The following MMEL1 variants were observed in gnomAD, a reference collection of about 807,000 sequenced individuals.
The protein encoded by MMEL1 is membrane metalloendopeptidase like 1.
Under a neutral mutation model 117.1 loss-of-function variants are expected in MMEL1, and 98 were observed. The ratio of observed to expected loss-of-function variants is 0.84; its 90% confidence interval spans 0.71 to 0.99. The LOEUF (loss-of-function observed/expected upper bound fraction) is 0.99. Ranked by LOEUF, MMEL1 falls within the 50% of genes least tolerant of loss-of-function variation. MMEL1 has a pLI of 0.00. For synonymous variants in MMEL1, 390 were observed against 415.1 expected, an observed-to-expected ratio of 0.94 and a Z score of 0.74; for missense variants, 1,014 against 1,049.1, an observed-to-expected ratio of 0.97 and a Z score of 0.46.
intron 3 of MMEL1, among the ~76,000 whole-genome samples, chr1:2,611,908 G>A (rs955758498): frequency 6.6e-6 from 1 of 152,172 alleles, no homozygotes; most frequent in African/African-American, 2.4e-5. Context: ...CTGAGGCCAC[G>A]CAGGAGCAGG....
rs1645143757 is a variant in MMEL1 at position 2,612,316 on chromosome 1, C to T, written c.155-112G>A. On this transcript the variant is annotated intron_variant, in intron 2 of 23. Coordinates refer to ENST00000378412, the MANE Select transcript of MMEL1 (RefSeq NM_033467.4). This position sits in a 1 kb window ranked among gnomAD's most constrained non-coding sequence, Gnocchi z 5.4. ...TTCCCACAGTGCTGGGTGCTGCAGC[C>T]CTACCCCTGTAGTGAGGGCTGGTCC... The T allele has an allele frequency of 1.2e-6, 1 of 865,498 alleles. No individual in the cohort carries two copies. The highest frequency in any genetic ancestry group is 2.2e-5 in the Admixed American group (1 of 45,544). The allele number at this position is 865,498 out of a possible 1,614,324, so 53.6% of individuals were successfully genotyped here. A position where few individuals can be genotyped will look rare whatever the true frequency, so the allele number is the denominator to read the frequency against.
intron 2 of MMEL1, among the ~76,000 whole-genome samples, chr1:2,628,574 G>C (rs1570719631): frequency 6.6e-6 from 1 of 152,202 alleles, no homozygotes; most frequent in African/African-American, 2.4e-5. Flanking sequence ...GAGGGACCAG[G>C]GCTGTGCCTG....
rs142882316 is a variant in MMEL1 at position 2,602,899 on chromosome 1, C to T, written c.1041+985G>A. ...CTGCCCCCTTTCTGGCTTTCTGACA[C>T]GTTTTAGAGGTCACTCCGCTTTTCT... On this transcript the variant is annotated intron_variant, in intron 11 of 23. Transcript: ENST00000378412. 1.5e-4 allele frequency among the ~76,000 whole-genome samples: 22 copies of T among 151,650 alleles called. No individual in the cohort carries two copies. The South Asian group carries it at 2.5e-3, about 17-fold the overall frequency.
chr1:2,590,994 C>G lies in MMEL1; in HGVS notation c.2336G>C (p.Trp779Ser), dbSNP rs1022875010. ...PMHPKERCRV[W>S] is the part of the protein sequence containing the mutation. ...CACAGCGCGGCAGGGCCTTGGCTACCACACGCGGCATCGCTCCTTGGGGTG... is the reference window on the plus strand; with the variant it reads ...CACAGCGCGGCAGGGCCTTGGCTACGACACGCGGCATCGCTCCTTGGGGTG... Residue 779 changes from tryptophan (W) to serine (S), a missense_variant, in exon 24 of 24, where the codon TGG becomes TCG. Trp to Ser is a radical substitution (Grantham distance 177). Coordinates refer to ENST00000378412, the MANE Select transcript of MMEL1 (RefSeq NM_033467.4). 1 of 1,586,638 alleles carries G rather than the reference C, an allele frequency of 6.3e-7. No individual in the cohort carries two copies. The highest frequency in any genetic ancestry group is 1.4e-5 in the African/African-American group (1 of 74,054).
At position 2,606,965 on chromosome 1, in the gene MMEL1, C is replaced by T. The variant is rs372089498; in HGVS notation, c.631+9G>A. On this transcript the variant is annotated intron_variant, in intron 7 of 23. Coordinates refer to ENST00000378412, the MANE Select transcript of MMEL1 (RefSeq NM_033467.4). Reference sequence around the variant, plus strand: ...CTGTCTGTGAGGCTGCTGCCAGGCCCGGCCTTACCTACGGTCTCGTTCCAC... The same window carrying T: ...CTGTCTGTGAGGCTGCTGCCAGGCCTGGCCTTACCTACGGTCTCGTTCCAC... 2.5e-5 allele frequency: 40 copies of T among 1,610,554 alleles called. No individual in the cohort carries two copies. Among genetic ancestry groups the T allele is most frequent in the African/African-American group, 1.9e-4 (14 of 74,902 alleles).
intron 11 of MMEL1, among the ~76,000 whole-genome samples, chr1:2,600,538 A>G (rs200326113): frequency 7.3e-5 from 2 of 27,282 alleles, no homozygotes; most frequent in African/African-American, 1.6e-4. Flanking sequence ...GTTTCTGGGA[A>G]AAAAAAAAAA....
intron 8 of MMEL1, 125 bp from the exon 9 acceptor site, chr1:2,605,748 G>T (rs908418706): frequency 1.0e-5 from 7 of 692,100 alleles, no homozygotes; most frequent in Non-Finnish European, 1.5e-5. Context: ...CCAGGAGCTG[G>T]TGGTGGAGCT....
intron 2 of MMEL1, among the ~76,000 whole-genome samples, chr1:2,618,622 GA>G (rs34855393): frequency 6.6e-6 from 1 of 152,194 alleles, no homozygotes; most frequent in African/African-American, 2.4e-5. Context: ...CGAGTTTACA[GA>G]AATGTGTGGC....
At chr1:2,604,066 C>A (rs932061062) in intron 10 of MMEL1, 81 bp downstream of exon 10, 281 of 1,574,466 alleles carry the variant, frequency 1.8e-4, no homozygotes, top group Middle Eastern at 7.2e-4. Context: ...CCACCCAGCA[C>A]CCCCTCACCT....
intron 23 of MMEL1, 115 bp downstream of exon 23, chr1:2,591,442 C>T: frequency 1.2e-6 from 1 of 863,212 alleles, no homozygotes; most frequent in Non-Finnish European, 1.9e-6. Context: ...GGTTTATTCC[C>T]AAAATAAACC....
Position 2,593,948 on chromosome 1 carries a change from G to A in MMEL1, c.1748-15C>T, listed in dbSNP as rs767386342. ...GGCAGGGAATACTGTCCCCAAGGGCGGGACAAAGAATAAGCTGTGAGTGGA... is the reference window on the plus strand; with the variant it reads ...GGCAGGGAATACTGTCCCCAAGGGCAGGACAAAGAATAAGCTGTGAGTGGA... On this transcript the variant is annotated splice_polypyrimidine_tract_variant and intron_variant, in intron 18 of 23. Coordinates refer to ENST00000378412, the MANE Select transcript of MMEL1 (RefSeq NM_033467.4). The A allele has an allele frequency of 6.3e-6, 10 of 1,587,048 alleles. No homozygotes were observed. Among genetic ancestry groups the A allele is most frequent in the Admixed American group, 5.4e-5 (3 of 56,026 alleles).
chr1:2,604,398 C>T, intron 9 of MMEL1, 117 bp from the exon 10 acceptor site: 1 of 1,381,554 alleles, frequency 7.2e-7, no homozygotes, highest in Non-Finnish European at 9.9e-7. Flanking sequence ...GCGTGTCCAC[C>T]CACCTTGACC....
At position 2,591,640 on chromosome 1, in the gene MMEL1, G is replaced by A; in HGVS notation, c.2164-7C>T. The A allele has an allele frequency of 6.2e-7, 1 of 1,610,440 alleles. No homozygotes were observed. The highest frequency in any genetic ancestry group is 8.5e-7 in the Non-Finnish European group (1 of 1,178,250). The stretch of plus-strand genomic sequence containing the variant: ...GGTAGGACCCGCACCACACCTGTGG[G>A]CATGTTGGGGGCGTGGCTACAGGTG... On this transcript the variant is annotated splice_polypyrimidine_tract_variant and splice_region_variant and intron_variant, in intron 22 of 23. Transcript: ENST00000378412.
chr1:2,605,465 G>C, intron 9 of MMEL1, 93 bp downstream of exon 9: 1 of 1,115,266 alleles, frequency 9.0e-7, no homozygotes. Flanking sequence ...ACCAGCTTCG[G>C]GGAGGGAAGG....
intron 1 of MMEL1, chr1:2,629,853 T>G (rs1369227020): frequency 3.1e-5 from 6 of 195,228 alleles, no homozygotes; most frequent in Non-Finnish European, 5.2e-5. Flanking sequence ...CTGGTTGTCT[T>G]GGAGCTGTGG....
In MMEL1 at chr1:2,595,246, G is replaced by C. The variant is rs751941782; in HGVS notation, c.1584+30C>G. The C allele has an allele frequency of 1.3e-6, 2 of 1,592,576 alleles. No individual in the cohort carries two copies. Among genetic ancestry groups the C allele is most frequent in the Non-Finnish European group, 1.7e-6 (2 of 1,161,974 alleles). The stretch of plus-strand genomic sequence containing the variant: ...CAGGGCCCATGTCCACGGTGTGGGG[G>C]GCAGTTTAGGGCTGGGGTTGGGGGC... On this transcript the variant is annotated intron_variant, in intron 16 of 23. Coordinates refer to ENST00000378412, the MANE Select transcript of MMEL1 (RefSeq NM_033467.4). This position sits in a 1 kb window ranked among gnomAD's most constrained non-coding sequence, Gnocchi z 4.8.
intron 13 of MMEL1, among the ~76,000 whole-genome samples, chr1:2,597,603 T>C (rs1644863456): frequency 6.6e-6 from 1 of 151,878 alleles, no homozygotes; most frequent in African/African-American, 2.4e-5. Flanking sequence ...CCTACTCAAC[T>C]CACTCTCCCC....
intron 9 of MMEL1, among the ~76,000 whole-genome samples, chr1:2,605,079 C>T (rs1362731647): frequency 1.3e-5 from 2 of 152,142 alleles, no homozygotes; most frequent in Non-Finnish European, 2.9e-5. Flanking sequence ...CTCACCTGCT[C>T]CCTGTCCTTC....
intron 13 of MMEL1, among the ~76,000 whole-genome samples, chr1:2,597,907 G>A (rs1211706006): frequency 2.0e-5 from 3 of 152,130 alleles, no homozygotes; most frequent in Admixed American, 6.6e-5. Flanking sequence ...CTGCTCCCGG[G>A]AAATCACCCC....
Sources: gnomAD v4.1 joint callset for allele counts (sites outside exome capture counted in the v4.1 genomes callset) on GRCh38, gnomAD v4.1.1 for gene constraint, Gnocchi (gnomAD v3.1) non-coding constraint, MANE v1.5 for transcripts, NCBI Gene and HGNC (gene_info 2026-07-23, HGNC 2026-07-21) for gene names.